Variants in PTPRN2 observed in about 807,000 individuals in gnomAD.
The protein encoded by PTPRN2 is receptor-type tyrosine-protein phosphatase N2.
A neutral mutation model predicts 118.8 loss-of-function variants in PTPRN2; 74 were observed. The observed-to-expected ratio is 0.62, with a 90% CI of 0.52 to 0.76. The LOEUF (loss-of-function observed/expected upper bound fraction) is 0.76, where lower values mean the gene tolerates loss of function less well. PTPRN2 is among the 30% of genes least tolerant of loss of function. The probability of loss-of-function intolerance (pLI) is 0.00; values close to 1 mark genes in which losing one functional copy is unlikely to be tolerated. For missense variants in PTPRN2, 1,481 were observed against 1,394.4 expected (o/e 1.06, Z -0.99); for synonymous variants, 641 against 608.0 (o/e 1.05, Z -0.80).
At chr7:157,844,122 T>G (rs538644683) in intron 12 of PTPRN2, among the ~76,000 whole-genome samples, 2 of 149,798 alleles carry the variant, frequency 1.3e-5, no homozygotes, top group Non-Finnish European at 3.0e-5. Flanking sequence ...GGGTGTGGAA[T>G]GCAGGCCCCT....
intron 3 of PTPRN2, among the ~76,000 whole-genome samples, chr7:158,288,458 A>C (rs1287191929): frequency 6.6e-6 from 1 of 152,270 alleles, no homozygotes; most frequent in Non-Finnish European, 1.5e-5. Flanking sequence ...ATATCTACTA[A>C]GGTTTTTGCT....
intron 11 of PTPRN2, among the ~76,000 whole-genome samples, chr7:158,007,251 C>T (rs1052788829): frequency 4.6e-5 from 7 of 152,208 alleles, no homozygotes; most frequent in African/African-American, 1.4e-4. Flanking sequence ...ACTTGGGGAA[C>T]ACACGTCAGC....
At chr7:158,012,321 C>T (rs1489472958) in intron 11 of PTPRN2, among the ~76,000 whole-genome samples, 1 of 152,216 alleles carries the variant, frequency 6.6e-6, no homozygotes, top group African/African-American at 2.4e-5. Flanking sequence ...GCTTTACACA[C>T]CACATCACGG....
chr7:158,062,041 G>T (rs1810387386), intron 11 of PTPRN2, among the ~76,000 whole-genome samples: 1 of 152,268 alleles, frequency 6.6e-6, no homozygotes, highest in Non-Finnish European at 1.5e-5. Flanking sequence ...ATTCCACGGG[G>T]TGAGCATCTC....
intron 3 of PTPRN2, among the ~76,000 whole-genome samples, chr7:158,275,673 T>C (rs1004287592): frequency 6.6e-6 from 1 of 152,202 alleles, no homozygotes; most frequent in Non-Finnish European, 1.5e-5. Context: ...TGTTCTTTGG[T>C]GAGAATCGAG....
intron 17 of PTPRN2, among the ~76,000 whole-genome samples, chr7:157,584,983 C>T (rs576614358): frequency 1.2e-3 from 189 of 152,292 alleles, no homozygotes; most frequent in African/African-American, 4.2e-3. Flanking sequence ...TATAACCCAA[C>T]GCAGGGTGAC....
At chr7:158,387,538 G>C (rs1038330394) in intron 2 of PTPRN2, among the ~76,000 whole-genome samples, 44 of 152,260 alleles carry the variant, frequency 2.9e-4, no homozygotes, top group African/African-American at 9.2e-4. Flanking sequence ...GGTCCTGGGG[G>C]GACTGGACTC....
intron 12 of PTPRN2, among the ~76,000 whole-genome samples, chr7:157,773,143 G>A (rs1198958712): frequency 5.3e-5 from 8 of 152,182 alleles, no homozygotes; most frequent in African/African-American, 1.2e-4. Flanking sequence ...AGCTCATCGC[G>A]AGGACCTCGT....
intron 1 of PTPRN2, among the ~76,000 whole-genome samples, chr7:158,548,722 C>T (rs1826449370): frequency 6.6e-6 from 1 of 152,234 alleles, no homozygotes; most frequent in South Asian, 2.1e-4. Context: ...CGTGTGACTT[C>T]ACACTCCCCC....
chr7:158,048,939 A>G (rs911135662), intron 11 of PTPRN2, among the ~76,000 whole-genome samples: 2 of 136,404 alleles, frequency 1.5e-5, no homozygotes, highest in African/African-American at 5.6e-5. Flanking sequence ...CACCAACACC[A>G]TCATCACTAT....
intron 3 of PTPRN2, among the ~76,000 whole-genome samples, chr7:158,241,206 C>T (rs958432812): frequency 2.0e-5 from 3 of 152,190 alleles, no homozygotes; most frequent in African/African-American, 7.2e-5. Context: ...TATTTGCTGA[C>T]GGACTTTAAT....
chr7:157,541,780 T>C (rs1441121898), intron 22 of PTPRN2, among the ~76,000 whole-genome samples: 1 of 152,234 alleles, frequency 6.6e-6, no homozygotes, highest in African/African-American at 2.4e-5. Flanking sequence ...TTTCCAGTTT[T>C]GAATGTTTAG....
chr7:158,441,543 G>A, intron 2 of PTPRN2, among the ~76,000 whole-genome samples: 2 of 150,490 alleles, frequency 1.3e-5, no homozygotes, highest in African/African-American at 4.9e-5. Flanking sequence ...TAATAGTGAT[G>A]GTGATGGCAG....
intron 2 of PTPRN2, among the ~76,000 whole-genome samples, chr7:158,469,282 A>C (rs1477397714): frequency 1.3e-5 from 2 of 152,144 alleles, no homozygotes; most frequent in Non-Finnish European, 2.9e-5. Flanking sequence ...TCTCTACTAA[A>C]ATACAAAAAT....
rs1382918312 is a variant in PTPRN2, at chr7:157,550,596, G to A, written c.2903-1577C>T. ...ACACTGGCATTTCCTGGCAGGAACA[G>A]GGCTCGTGGTGATGGGAGCCACTGT... On this transcript the variant is annotated intron_variant, in intron 21 of 22. Coordinates refer to ENST00000389418, the MANE Select transcript of PTPRN2 (RefSeq NM_002847.5). This position sits in a 1 kb window ranked among gnomAD's most constrained non-coding sequence, Gnocchi z 5.2. 6.6e-6 allele frequency among the ~76,000 whole-genome samples: 1 copy of A among 152,224 alleles called. No homozygotes were observed. The highest frequency in any genetic ancestry group is 1.5e-5 in the Non-Finnish European group (1 of 68,042).
intron 17 of PTPRN2, among the ~76,000 whole-genome samples, chr7:157,582,387 C>T (rs1301769878): frequency 1.3e-5 from 2 of 152,142 alleles, no homozygotes; most frequent in Non-Finnish European, 1.5e-5. Context: ...ATGGCCCGCA[C>T]GTATGTGAAA....
At chr7:157,885,923 G>A (rs59909946) in intron 12 of PTPRN2, among the ~76,000 whole-genome samples, 239 of 152,370 alleles carry the variant, frequency 1.6e-3, no homozygotes, top group African/African-American at 5.1e-3. Context: ...TGTGAAGTGT[G>A]GAACACACCC....
At chr7:158,178,857 A>G (rs1448895538) in intron 5 of PTPRN2, among the ~76,000 whole-genome samples, 3 of 152,158 alleles carry the variant, frequency 2.0e-5, no homozygotes, top group African/African-American at 7.2e-5. Flanking sequence ...TCGGCCGCCC[A>G]AAGTGCTATG....
chr7:158,071,399 C>G (rs1047991660), intron 11 of PTPRN2, among the ~76,000 whole-genome samples: 28 of 20,986 alleles, frequency 1.3e-3, no homozygotes, highest in South Asian at 2.4e-3. Context: ...TGGAGGTGCT[C>G]GTGGTGGAGT....
Sources: gnomAD v4.1 joint callset for allele counts (sites outside exome capture counted in the v4.1 genomes callset) on GRCh38, gnomAD v4.1.1 for gene constraint, Gnocchi (gnomAD v3.1) non-coding constraint, MANE v1.5 for transcripts, NCBI Gene and HGNC (gene_info 2026-07-23, HGNC 2026-07-21) for gene names.